The following SLC5A4 variants were observed in gnomAD, a reference collection of about 807,000 sequenced individuals.
SLC5A4 encodes probable glucose sensor protein SLC5A4.
SLC5A4 carries 55 observed loss-of-function variants against 70.3 expected under a neutral mutation model. That is an observed-to-expected ratio of 0.78 (90% CI 0.63 to 0.98). SLC5A4 has a LOEUF of 0.98. SLC5A4 is among the 50% of genes least tolerant of loss of function. The pLI is 0.00. For missense variants in SLC5A4, 735 were observed against 839.2 expected, an observed-to-expected ratio of 0.88 and a Z score of 1.53; for synonymous variants, 268 against 305.7, an observed-to-expected ratio of 0.88 and a Z score of 1.29.
the SLC5A4 span, among the ~76,000 whole-genome samples, chr22:32,330,825 GGTGT>G: frequency 0.021 from 1,702 of 80,186 alleles, 73 homozygotes; most frequent in Admixed American, 0.052. Flanking sequence ...GGGAGGCTCT[GGTGT>G]GTGTGTGTGT....
chr22:32,261,458 T>C, the SLC5A4 span, among the ~76,000 whole-genome samples: 1 of 152,150 alleles, frequency 6.6e-6, no homozygotes, highest in Non-Finnish European at 1.5e-5. Context: ...AAAGAACACA[T>C]TCACATGGCA....
chr22:32,265,398 A>G, the SLC5A4 span, among the ~76,000 whole-genome samples: 1 of 152,154 alleles, frequency 6.6e-6, no homozygotes, highest in Non-Finnish European at 1.5e-5. Flanking sequence ...AAGAAAAAAA[A>G]ATTTGCTTCC....
intron 10 of SLC5A4, among the ~76,000 whole-genome samples, chr22:32,230,056 A>G (rs1195367078): frequency 1.3e-5 from 2 of 152,162 alleles, no homozygotes; most frequent in African/African-American, 2.4e-5. Flanking sequence ...TTGAGCCATG[A>G]TGGGAACTTC....
chr22:32,313,362 G>A, the SLC5A4 span, among the ~76,000 whole-genome samples: 1 of 152,186 alleles, frequency 6.6e-6, no homozygotes, highest in Non-Finnish European at 1.5e-5. Context: ...TGATTTGGAT[G>A]ATAAATTATA....
At chr22:32,248,555 G>A (rs901274459) in intron 4 of SLC5A4, among the ~76,000 whole-genome samples, 188 bp downstream of exon 4, 4 of 152,050 alleles carry the variant, frequency 2.6e-5, no homozygotes, top group Admixed American at 6.6e-5. Flanking sequence ...TATCTTCCCT[G>A]TTATATAAAC....
rs760482444 is a variant in SLC5A4 at position 32,229,229 on chromosome 22, C to A, written c.1245G>T (p.Lys415Asn). ...FTIDLYTKMR[K>N]QASEKELLIA... ...TCAGGAGCTCTTTCTCCGACGCTTG[C>A]TTCCGCATCTTGGTGTAGAGGTCAA... Residue 415 changes from lysine to asparagine, a missense_variant, in exon 11 of 15, where the codon AAG becomes AAT. By Grantham distance (94) the Lys-to-Asn change is moderately conservative (BLOSUM62 0). Transcript: ENST00000266086. 110 of 1,614,022 alleles carry A rather than the reference C, an allele frequency of 6.8e-5. No individual in the cohort carries two copies. Among genetic ancestry groups the A allele is most frequent in the Non-Finnish European group, 8.1e-5 (96 of 1,180,024 alleles).
chr22:32,257,056 T>C (rs369601390), upstream of SLC5A4, among the ~76,000 whole-genome samples: 26 of 152,232 alleles, frequency 1.7e-4, no homozygotes, highest in East Asian at 2.7e-3. Context: ...AATTTCTCCA[T>C]ATCCTCTTCA....
intron 5 of SLC5A4, among the ~76,000 whole-genome samples, chr22:32,243,429 G>T (rs1926645437): frequency 6.6e-6 from 1 of 152,134 alleles, no homozygotes; most frequent in Non-Finnish European, 1.5e-5. Context: ...GTATTACTGG[G>T]TCAATTTACA....
At chr22:32,231,754 T>C (rs185796067) in intron 9 of SLC5A4, among the ~76,000 whole-genome samples, 1 of 152,346 alleles carries the variant, frequency 6.6e-6, no homozygotes, top group Non-Finnish European at 1.5e-5. Flanking sequence ...GTTGCAAGTT[T>C]CTTTTTACAT....
the SLC5A4 span, among the ~76,000 whole-genome samples, chr22:32,292,188 A>G: frequency 2.4e-4 from 13 of 55,004 alleles, no homozygotes; most frequent in East Asian, 2.8e-3. Context: ...ATTATATATA[A>G]TACATACTAG....
At chr22:32,237,842 A>T (rs1346387991) in intron 6 of SLC5A4, among the ~76,000 whole-genome samples, 3 of 152,206 alleles carry the variant, frequency 2.0e-5, no homozygotes. Flanking sequence ...CTAGGCTCTC[A>T]GTCTAGTTAG....
rs1349432009 is a variant in SLC5A4 at position 32,255,281 on chromosome 22, G to A, written c.49C>T (p.Pro17Ser). 8.1e-6 allele frequency: 13 copies of A among 1,614,036 alleles called. No homozygotes were observed. The highest frequency in any genetic ancestry group is 1.1e-5 in the Non-Finnish European group (13 of 1,180,020). The change falls in exon 1 of 15, where the codon CCT becomes TCT. Residue 17 changes from proline (P) to serine (S), a missense_variant. Coordinates refer to ENST00000266086, the MANE Select transcript of SLC5A4 (RefSeq NM_014227.3). ...PSTIAETPEP[P>S]PLSDHIRNAA... Reference sequence around the variant, plus strand: ...TTTCGGATGTGGTCAGACAATGGAGGTGGCTCTGGGGTCTCAGCTATGGTG... The same window carrying A: ...TTTCGGATGTGGTCAGACAATGGAGATGGCTCTGGGGTCTCAGCTATGGTG...
chr22:32,349,289 A>T, the SLC5A4 span, among the ~76,000 whole-genome samples: 1 of 152,172 alleles, frequency 6.6e-6, no homozygotes, highest in East Asian at 1.9e-4. Context: ...CGCCTTTTTT[A>T]AAAAATCAAA....
At chr22:32,226,639 C>A (rs1205549370) in intron 11 of SLC5A4, among the ~76,000 whole-genome samples, 1 of 152,238 alleles carries the variant, frequency 6.6e-6, no homozygotes, top group South Asian at 2.1e-4. Flanking sequence ...AATGCCTAAA[C>A]CACAGTAAGG....
the SLC5A4 span, among the ~76,000 whole-genome samples, chr22:32,351,391 C>T: frequency 4.6e-5 from 7 of 151,790 alleles, no homozygotes; most frequent in African/African-American, 9.7e-5. Context: ...AAAACAATAA[C>T]GGACCGATCA....
chr22:32,327,975 A>C, the SLC5A4 span, among the ~76,000 whole-genome samples: 1 of 152,144 alleles, frequency 6.6e-6, no homozygotes, highest in African/African-American at 2.4e-5. Flanking sequence ...TGGGCCCAGC[A>C]ATTCACAAGC....
At chr22:32,329,065 T>C in the SLC5A4 span, among the ~76,000 whole-genome samples, 1 of 152,158 alleles carries the variant, frequency 6.6e-6, no homozygotes, top group Non-Finnish European at 1.5e-5. Context: ...TTCAGGGATG[T>C]GTGGGTTCCG....
chr22:32,318,918 T>C, the SLC5A4 span, among the ~76,000 whole-genome samples: 2 of 152,158 alleles, frequency 1.3e-5, no homozygotes, highest in African/African-American at 2.4e-5. Flanking sequence ...TGCCCTGATA[T>C]TTGGTGGGAT....
At chr22:32,230,053 A>G (rs1414760684) in intron 10 of SLC5A4, among the ~76,000 whole-genome samples, 1 of 152,208 alleles carries the variant, frequency 6.6e-6, no homozygotes, top group Non-Finnish European at 1.5e-5. Flanking sequence ...GTTTTGAGCC[A>G]TGATGGGAAC....
Sources: gnomAD v4.1 joint callset for allele counts (sites outside exome capture counted in the v4.1 genomes callset) on GRCh38, gnomAD v4.1.1 for gene constraint, MANE v1.5 for transcripts, NCBI Gene and HGNC (gene_info 2026-07-23, HGNC 2026-07-21) for gene names.